The following CARMIL1 variants were observed in gnomAD, a reference collection of about 807,000 sequenced individuals.
The protein encoded by CARMIL1 is F-actin-uncapping protein LRRC16A.
In CARMIL1, 90 loss-of-function variants were observed where a neutral mutation model predicts 177.1. The ratio of observed to expected loss-of-function variants is 0.51; its 90% CI spans 0.43 to 0.61. The LOEUF (loss-of-function observed/expected upper bound fraction) is 0.61, where lower values mean the gene tolerates loss of function less well. CARMIL1 is among the 20% of genes least tolerant of loss of function. CARMIL1 has a pLI of 0.00. For synonymous variants in CARMIL1, 577 were observed against 606.2 expected (o/e 0.95, Z 0.71); for missense variants, 1,380 against 1,667.0 (o/e 0.83, Z 3.00).
At chr6:25,574,035 T>G (rs1455836376) in intron 29 of CARMIL1, among the ~76,000 whole-genome samples, 1 of 152,164 alleles carries the variant, frequency 6.6e-6, no homozygotes, top group African/African-American at 2.4e-5. Flanking sequence ...TTCAAGAAAC[T>G]TTAAAGTTTC....
chr6:25,501,849 G>A (rs1326632220), intron 17 of CARMIL1, among the ~76,000 whole-genome samples: 1 of 151,910 alleles, frequency 6.6e-6, no homozygotes, highest in Non-Finnish European at 1.5e-5. Flanking sequence ...TCTAGAAATG[G>A]ACAAGTCTGA....
chr6:25,592,099 G>A (rs189656155), intron 31 of CARMIL1, among the ~76,000 whole-genome samples: 17 of 152,172 alleles, frequency 1.1e-4, no homozygotes, highest in Middle Eastern at 3.4e-3. Flanking sequence ...GGGGAAGCTG[G>A]GAGGAAGCCC....
At chr6:25,571,103 C>T (rs1812028707) in intron 29 of CARMIL1, among the ~76,000 whole-genome samples, 1 of 151,894 alleles carries the variant, frequency 6.6e-6, no homozygotes, top group African/African-American at 2.4e-5. Flanking sequence ...TGAGTTTTCT[C>T]GTTGAGCTGA....
intron 2 of CARMIL1, chr6:25,287,395 A>G (rs940601205): frequency 1.3e-5 from 2 of 152,196 alleles, no homozygotes; most frequent in Non-Finnish European, 1.5e-5. Context: ...TCATCTTCCT[A>G]TAATCATAAT....
At chr6:25,453,419 A>G (rs1423050795) in intron 8 of CARMIL1, among the ~76,000 whole-genome samples, 2 of 152,190 alleles carry the variant, frequency 1.3e-5, no homozygotes, top group African/African-American at 4.8e-5. Context: ...TAAAAATGCA[A>G]CTATCACACA....
Position 25,450,988 on chromosome 6 carries a change from C to T in CARMIL1, c.614+277C>T, listed in dbSNP as rs1332629068. ...TCTCTTCTCTTCTCCTCTCCCCCTC[C>T]CCTCTCCCCTCTCCCCTCTCCCCTC... is the stretch of plus-strand genomic sequence containing the variant. On this transcript the variant is annotated intron_variant, in intron 8 of 36. Transcript: ENST00000329474. 5.8e-3 allele frequency among the ~76,000 whole-genome samples: 123 copies of T among 21,034 alleles called. 2 individuals are homozygous for T. The highest frequency in any genetic ancestry group is 6.8e-3 in the Non-Finnish European group (57 of 8,358). The allele number at this position is 21,034 out of a possible 152,430, so 13.8% of individuals were successfully genotyped here.
At chr6:25,466,157 T>C (rs892872803) in intron 9 of CARMIL1, among the ~76,000 whole-genome samples, 2 of 152,208 alleles carry the variant, frequency 1.3e-5, no homozygotes, top group South Asian at 2.1e-4. Context: ...TGTATTCAGC[T>C]GTTTCGGGCA....
At chr6:25,524,897 C>T (rs1171837354) in intron 23 of CARMIL1, among the ~76,000 whole-genome samples, 1 of 152,038 alleles carries the variant, frequency 6.6e-6, no homozygotes, top group African/African-American at 2.4e-5. Context: ...AATCATTGAA[C>T]TCTAAGATTC....
At chr6:25,414,661 G>T (rs1795213827) in intron 2 of CARMIL1, among the ~76,000 whole-genome samples, 1 of 152,166 alleles carries the variant, frequency 6.6e-6, no homozygotes, top group African/African-American at 2.4e-5. Context: ...ACTTGTAACA[G>T]TAGTATTTGT....
In CARMIL1 at chr6:25,279,467, A is replaced by T; in HGVS notation, c.-329A>T. The stretch of plus-strand genomic sequence containing the variant: ...GCCGGCCCAAGCCCCGCCGGGGACC[A>T]GCGAGCCGGGAGGAGGAGCAGGCGC... On this transcript the variant is annotated 5_prime_UTR_variant, in exon 1 of 37. Transcript: ENST00000329474. 1 of 432,586 alleles carries T rather than the reference A, an allele frequency of 2.3e-6. No homozygotes were observed. Among genetic ancestry groups the T allele is most frequent in the Non-Finnish European group, 4.2e-6 (1 of 237,276 alleles). The allele number at this position is 432,586 out of a possible 1,614,324, so 26.8% of individuals were successfully genotyped here.
chr6:25,527,286 G>C (rs536043441), intron 23 of CARMIL1, among the ~76,000 whole-genome samples: 2 of 152,248 alleles, frequency 1.3e-5, no homozygotes, highest in East Asian at 3.9e-4. Context: ...ATACAGGCCT[G>C]GTATTAAAGT....
At chr6:25,405,660 T>C (rs1794296452) in intron 2 of CARMIL1, among the ~76,000 whole-genome samples, 1 of 152,244 alleles carries the variant, frequency 6.6e-6, no homozygotes. Flanking sequence ...TGTCAGCACT[T>C]GACACTTCTA....
rs1309698731 is a variant in CARMIL1 at position 25,515,611 on chromosome 6, C to T, written c.1633-64C>T. 7.7e-6 allele frequency: 11 copies of T among 1,420,026 alleles called. No homozygotes were observed. The highest frequency in any genetic ancestry group is 1.4e-5 in the South Asian group (1 of 71,750). The allele number at this position is 1,420,026 out of a possible 1,614,324, so 88.0% of individuals were successfully genotyped here. ...ATCCCCTCTCATTCTCCACGAAATG[C>T]GTCGTGGAGAGTGGGTGCTGCTTTG... On this transcript the variant is annotated intron_variant, in intron 20 of 36. Coordinates refer to ENST00000329474, the MANE Select transcript of CARMIL1 (RefSeq NM_017640.6). This position sits in a 1 kb window ranked among gnomAD's most constrained non-coding sequence, Gnocchi z 5.0.
Position 25,600,239 on chromosome 6 carries a change from T to C in CARMIL1, c.3120-75T>C, listed in dbSNP as rs6903766. ...ACTGTATATGTAGCAATCTCCATAT[T>C]TATATTTTGACTGATTCTTGCTGGA... On this transcript the variant is annotated intron_variant, in intron 32 of 36. Coordinates refer to ENST00000329474, the MANE Select transcript of CARMIL1 (RefSeq NM_017640.6). 8,784 of 1,376,732 alleles carry C rather than the reference T, an allele frequency of 6.4e-3. 145 individuals are homozygous for C. The highest frequency in any genetic ancestry group is 0.061 in the African/African-American group (4,188 of 68,888). 85.3% of individuals were successfully genotyped at this position (1,376,732 alleles called of 1,614,324 possible). A position where few individuals can be genotyped will look rare whatever the true frequency, so the allele number is the denominator to read the frequency against.
chr6:25,342,924 A>G (rs1787090910), intron 2 of CARMIL1, among the ~76,000 whole-genome samples: 1 of 152,136 alleles, frequency 6.6e-6, no homozygotes, highest in Non-Finnish European at 1.5e-5. Context: ...CACTCTAATA[A>G]TCCTGTCAGG....
rs397887367 is a variant in CARMIL1, at chr6:25,390,293, C to CATAT, written c.139-29796_139-29793dup. Reference sequence around the variant, plus strand: ...ATATATAGGTACACATATATATTTACATATATATATATATATATATATATA... The same window carrying CATAT: ...ATATATAGGTACACATATATATTTACATATATATATATATATATATATATATATA... On this transcript the variant is annotated intron_variant, in intron 2 of 36. Transcript: ENST00000329474. 2.3e-3 allele frequency among the ~76,000 whole-genome samples: 193 copies of CATAT among 84,860 alleles called. 3 individuals carry two copies. The highest frequency in any genetic ancestry group is 3.0e-3 in the Non-Finnish European group (130 of 43,674). The allele number at this position is 84,860 out of a possible 152,430, so 55.7% of individuals were successfully genotyped here. A position where few individuals can be genotyped will look rare whatever the true frequency, so the allele number is the denominator to read the frequency against.
chr6:25,584,105 GC>G (rs1813408064), intron 31 of CARMIL1, among the ~76,000 whole-genome samples: 4 of 142,074 alleles, frequency 2.8e-5, no homozygotes, highest in African/African-American at 1.1e-4. Context: ...ATGCCTCACT[GC>G]AGCCTTGAAC....
intron 11 of CARMIL1, among the ~76,000 whole-genome samples, chr6:25,480,877 C>T (rs556904867): frequency 1.8e-4 from 28 of 151,446 alleles, no homozygotes; most frequent in South Asian, 1.0e-3. Flanking sequence ...CCCGCCACCA[C>T]GCCCGGCTAA....
chr6:25,413,001 T>C (rs1795053657), intron 2 of CARMIL1, among the ~76,000 whole-genome samples: 1 of 152,230 alleles, frequency 6.6e-6, no homozygotes, highest in East Asian at 1.9e-4. Flanking sequence ...TCATCATAGC[T>C]GAGTATAGTG....
Sources: gnomAD v4.1 joint callset for allele counts (sites outside exome capture counted in the v4.1 genomes callset) on GRCh38, gnomAD v4.1.1 for gene constraint, Gnocchi (gnomAD v3.1) non-coding constraint, MANE v1.5 for transcripts, NCBI Gene and HGNC (gene_info 2026-07-23, HGNC 2026-07-21) for gene names.